The following MON2 variants were observed in gnomAD, a reference collection of about 807,000 sequenced individuals.
The protein encoded by MON2 is protein MON2 homolog.
MON2 carries 84 observed loss-of-function variants against 208.6 expected under a neutral mutation model. The observed-to-expected ratio is 0.40, with a 90% CI of 0.34 to 0.48. The LOEUF (loss-of-function observed/expected upper bound fraction) is 0.48. Among genes scored for constraint, MON2 ranks in the 20% least tolerant of loss-of-function variants. MON2 has a pLI of 0.59. For synonymous variants in MON2, 660 were observed against 694.0 expected, an observed-to-expected ratio of 0.95 and a Z score of 0.77; for missense variants, 1,611 against 2,015.4, an observed-to-expected ratio of 0.80 and a Z score of 3.84.
intron 8 of MON2, 22 bp downstream of exon 8, chr12:62,508,502 T>C: frequency 6.3e-7 from 1 of 1,596,188 alleles, no homozygotes. Flanking sequence ...TTTCCTTATG[T>C]ATTTGTGTAT....
chr12:62,581,956 G>A (rs922099797), intron 32 of MON2, among the ~76,000 whole-genome samples: 8 of 152,146 alleles, frequency 5.3e-5, no homozygotes, highest in African/African-American at 1.7e-4. Flanking sequence ...TATGTGTACA[G>A]TTTGACCACT....
rs780682983 is a variant in MON2, at chr12:62,578,426, A to G, written c.4515-19A>G. 12 of 1,262,298 alleles carry G rather than the reference A, an allele frequency of 9.5e-6. No individual in the cohort carries two copies. Among genetic ancestry groups the G allele is most frequent in the Middle Eastern group, 2.0e-4 (1 of 4,948 alleles). 78.2% of individuals were successfully genotyped at this position (1,262,298 alleles called of 1,614,324 possible). Reference sequence around the variant, plus strand: ...AGGGAATATTTTATCTTTAAAAATCAAGTGTTTTTTTTTTTTAGCATACCT... The same window carrying G: ...AGGGAATATTTTATCTTTAAAAATCGAGTGTTTTTTTTTTTTAGCATACCT... On this transcript the variant is annotated intron_variant, in intron 30 of 34. Coordinates refer to ENST00000393630, the MANE Select transcript of MON2 (RefSeq NM_015026.3).
At chr12:62,581,972 T>C (rs1279275742) in intron 32 of MON2, among the ~76,000 whole-genome samples, 4 of 152,184 alleles carry the variant, frequency 2.6e-5, no homozygotes, top group Non-Finnish European at 4.4e-5. Flanking sequence ...CCACTAGATG[T>C]CTCTCATACT....
At position 62,538,438 on chromosome 12, in the gene MON2, A is replaced by G; in HGVS notation, c.2297A>G (p.His766Arg). 6.2e-7 allele frequency: 1 copy of G among 1,611,324 alleles called. No individual in the cohort carries two copies. Among genetic ancestry groups the G allele is most frequent in the Non-Finnish European group, 8.5e-7 (1 of 1,177,766 alleles). ...AGGTATCTTGATGATGTATCACTGC[A>G]TCATTTAATAAATGCACTTTGCTCC... ...SSQYLDDVSL[H>R]HLINALCSLS... Residue 766 changes from histidine (H) to arginine (R), a missense_variant, in exon 19 of 35, where the codon CAT becomes CGT. Transcript: ENST00000393630.
chr12:62,519,792 A>G (rs933682936), intron 8 of MON2, among the ~76,000 whole-genome samples: 1 of 152,158 alleles, frequency 6.6e-6, no homozygotes, highest in Non-Finnish European at 1.5e-5. Context: ...CTTCTTTGAT[A>G]CTATACCAAA....
In MON2 at chr12:62,594,819, G is replaced by A. The variant is rs2075489822; in HGVS notation, c.*2070G>A. 6.6e-6 allele frequency: 1 copy of A among 152,168 alleles called. No homozygotes were observed. Among genetic ancestry groups the A allele is most frequent in the African/African-American group, 2.4e-5 (1 of 41,436 alleles). The allele number at this position is 152,168 out of a possible 1,614,324, so 9.4% of individuals were successfully genotyped here. ...AATATCATATAATAAGGTAATAAAT[G>A]CCAGTCTTAGTGTGAAGCAAGTGGG... On this transcript the variant is annotated 3_prime_UTR_variant, in exon 35 of 35. Transcript: ENST00000393630.
chr12:62,547,154 TAG>T, intron 22 of MON2, 82 bp downstream of exon 22: 1 of 987,076 alleles, frequency 1.0e-6, no homozygotes, highest in Non-Finnish European at 1.4e-6. Context: ...AAAAAAGTGA[TAG>T]AGGTAGAGAA....
Position 62,538,483 on chromosome 12 carries a change from A to G in MON2, c.2342A>G (p.Asp781Gly), listed in dbSNP as rs1450351528. The part of the protein sequence containing the change: ...ALCSLSLEAM[D>G]MAYGNNKEPS... ...TGCTCCTTGTCTCTAGAAGCAATGGATATGGCCTATGGAAATAATAAGGTG... is the reference window on the plus strand; with the variant it reads ...TGCTCCTTGTCTCTAGAAGCAATGGGTATGGCCTATGGAAATAATAAGGTG... The change falls in exon 19 of 35, where the codon GAT (aspartate) becomes GGT (glycine). Residue 781 changes from aspartate (D) to glycine (G), a missense_variant. Physicochemically the swap from Asp to Gly is moderately conservative, Grantham distance 94. Transcript: ENST00000393630. 3 of 1,604,170 alleles carry G rather than the reference A, an allele frequency of 1.9e-6. No individual in the cohort carries two copies. Among genetic ancestry groups the G allele is most frequent in the Non-Finnish European group, 1.7e-6 (2 of 1,171,600 alleles).
At chr12:62,472,171 G>C (rs1465429172) in intron 1 of MON2, among the ~76,000 whole-genome samples, 1 of 152,262 alleles carries the variant, frequency 6.6e-6, no homozygotes, top group East Asian at 1.9e-4. Context: ...CCAATAGTTT[G>C]GATTGACTGG....
At chr12:62,487,683 T>C (rs1278919602) in intron 2 of MON2, among the ~76,000 whole-genome samples, 2 of 151,682 alleles carry the variant, frequency 1.3e-5, no homozygotes, top group African/African-American at 4.8e-5. Context: ...TATATTTATA[T>C]ATTTAATATA....
chr12:62,568,588 C>T (rs1278904921), intron 29 of MON2, among the ~76,000 whole-genome samples: 1 of 152,172 alleles, frequency 6.6e-6, no homozygotes, highest in Non-Finnish European at 1.5e-5. Context: ...GTCCTCTAAC[C>T]TCCTTCTCCC....
intron 1 of MON2, among the ~76,000 whole-genome samples, chr12:62,475,936 G>A (rs1367164581): frequency 2.6e-5 from 4 of 151,798 alleles, no homozygotes; most frequent in East Asian, 2.0e-4. Flanking sequence ...ACTTGAACCC[G>A]GGAGGTGGAG....
At chr12:62,499,093 G>A (rs1474948178) in intron 5 of MON2, 45 bp downstream of exon 5, 1 of 1,589,758 alleles carries the variant, frequency 6.3e-7, no homozygotes. Flanking sequence ...GTTCTTGGAT[G>A]ATTTCATTTG....
chr12:62,588,777 C>A, intron 34 of MON2: 1 of 743,422 alleles, frequency 1.3e-6, no homozygotes, highest in East Asian at 2.9e-5. Context: ...CAATAGATTT[C>A]ATTTCCCCTA....
Position 62,493,950 on chromosome 12 carries a change from T to C in MON2, c.211T>C (p.Phe71Leu). Residue 71 changes from phenylalanine (F) to leucine (L), a missense_variant, in exon 3 of 35, where the codon TTT becomes CTT. Physicochemically the swap from Phe to Leu is conservative, Grantham distance 22. Transcript: ENST00000393630. Reference protein sequence around the residue: ...KENSSEVVQPFLMGCGTKEPK... With the variant: ...KENSSEVVQPLLMGCGTKEPK... The stretch of plus-strand genomic sequence containing the variant: ...GAACAGCTCAGAGGTTGTACAGCCT[T>C]TTTTAATGGGTTGTGGAACCAAGGA... 2 of 1,611,154 alleles carry C rather than the reference T, an allele frequency of 1.2e-6. No individual in the cohort carries two copies.
In MON2 at chr12:62,495,106, T is replaced by C. The variant is rs1177182894; in HGVS notation, c.394T>C (p.Leu132=). The C allele has an allele frequency of 6.2e-7, 1 of 1,613,132 alleles. No individual in the cohort carries two copies. Among genetic ancestry groups the C allele is most frequent in the South Asian group, 1.1e-5 (1 of 90,966 alleles). ...GCTACTTCAAACAGTTCTTGTTCTT[T>C]TAACAACCAATACAGTAGTTCATGA... ...LKLLQTVLVL[L]TTNTVVHDEA... is the part of the protein sequence containing the mutation. The change falls in exon 4 of 35, where the codon TTA becomes CTA. Residue 132 remains leucine, a synonymous_variant. Coordinates refer to ENST00000393630, the MANE Select transcript of MON2 (RefSeq NM_015026.3).
intron 34 of MON2, among the ~76,000 whole-genome samples, chr12:62,590,763 C>T (rs1214185947): frequency 6.6e-6 from 1 of 152,112 alleles, no homozygotes; most frequent in African/African-American, 2.4e-5. Context: ...TCACTGAAAC[C>T]TCCGCCTCCT....
Position 62,524,526 on chromosome 12 carries a change from T to C in MON2, c.996T>C (p.Cys332=), listed in dbSNP as rs765429488. The part of the protein sequence containing the change: ...KQFYSLLVTE[C]EIFLSLLVKF... ...TCATATATTTTTAGGTAACTGAATG[T>C]GAGATATTTCTGTCACTTCTGGTGA... Residue 332 remains cysteine (C), a synonymous_variant, in exon 9 of 35, where the codon TGT becomes TGC. Transcript: ENST00000393630. 11 of 1,607,164 alleles carry C rather than the reference T, an allele frequency of 6.8e-6. No individual in the cohort carries two copies. The Admixed American group carries it at 1.8e-4, about 27-fold the overall frequency.
chr12:62,496,972 C>T (rs1419637959), intron 4 of MON2, among the ~76,000 whole-genome samples: 1 of 144,372 alleles, frequency 6.9e-6, no homozygotes, highest in Non-Finnish European at 1.5e-5. Context: ...GAATACTATG[C>T]AGCCATAAAA....
Sources: gnomAD v4.1 joint callset for allele counts (sites outside exome capture counted in the v4.1 genomes callset) on GRCh38, gnomAD v4.1.1 for gene constraint, MANE v1.5 for transcripts, NCBI Gene and HGNC (gene_info 2026-07-23, HGNC 2026-07-21) for gene names.